TACC2: variants seen among roughly 807,000 people sequenced by gnomAD.
TACC2 encodes the protein transforming acidic coiled-coil-containing protein 2.
Under a neutral mutation model 227.3 loss-of-function variants are expected in TACC2, and 137 were observed. The observed-to-expected ratio is 0.60, with a 90% CI of 0.52 to 0.69. The LOEUF is 0.69. TACC2 is among the 30% of genes least tolerant of loss of function. The probability of loss-of-function intolerance (pLI) is 0.00; values close to 1 mark genes in which losing one functional copy is unlikely to be tolerated. For missense variants in TACC2, 3,470 were observed against 3,694.4 expected (o/e 0.94, Z 1.57); for synonymous variants, 1,523 against 1,487.5 (o/e 1.02, Z -0.55).
At chr10:122,208,568 G>A (rs954912438) in intron 8 of TACC2, among the ~76,000 whole-genome samples, 1 of 152,182 alleles carries the variant, frequency 6.6e-6, no homozygotes, top group African/African-American at 2.4e-5. Context: ...AGGGCTCCCT[G>A]ATTTAGCAAA....
chr10:122,214,601 C>A (rs528572395), intron 9 of TACC2, among the ~76,000 whole-genome samples: 1 of 152,282 alleles, frequency 6.6e-6, no homozygotes, highest in Non-Finnish European at 1.5e-5. Context: ...GAAGTGACCC[C>A]CAGACTGCTC....
chr10:122,129,495 T>C (rs1246069403), intron 5 of TACC2, among the ~76,000 whole-genome samples: 1 of 152,242 alleles, frequency 6.6e-6, no homozygotes, highest in Non-Finnish European at 1.5e-5. Context: ...TCAGCATATT[T>C]GCCCATGCCC....
intron 2 of TACC2, among the ~76,000 whole-genome samples, chr10:122,048,013 C>A (rs1486481913): frequency 6.6e-6 from 1 of 152,168 alleles, no homozygotes; most frequent in Non-Finnish European, 1.5e-5. Flanking sequence ...GGTAGGGGAA[C>A]CTTAGCCAAA....
chr10:122,137,112 AC>A (rs1298372161), intron 6 of TACC2, among the ~76,000 whole-genome samples: 1 of 152,052 alleles, frequency 6.6e-6, no homozygotes, highest in Non-Finnish European at 1.5e-5. Flanking sequence ...TGTTAATGCC[AC>A]TGGAGGGCAC....
In TACC2 at chr10:122,211,147, A is replaced by ATGC. The variant is rs2095283529; in HGVS notation, c.6722_6723insTGC (p.Glu2241delinsAspAla). On this transcript the variant is annotated protein_altering_variant, in exon 9 of 23. Transcript: ENST00000369005. ...ACGCTGCCTCTTACCACGGCCCCGG[A>ATGC]GGCAGGGGAGGTAACCCCATCGGAT... The ATGC allele has an allele frequency of 6.2e-7, 1 of 1,609,846 alleles. No individual in the cohort carries two copies. The highest frequency in any genetic ancestry group is 1.3e-5 in the African/African-American group (1 of 74,738).
At position 122,230,384 on chromosome 10, in the gene TACC2, G is replaced by T; in HGVS notation, c.8071G>T (p.Ala2691Ser). 1.9e-6 allele frequency: 3 copies of T among 1,614,192 alleles called. No individual in the cohort carries two copies. The highest frequency in any genetic ancestry group is 1.7e-5 in the Admixed American group (1 of 60,034). ...AGAGTTTGCCATCATGCGGATAGAA[G>T]CCCTGAAGCTGGCCAGGCAGATTGC... ...ELEFAIMRIE[A>S]LKLARQIALA... Residue 2691 changes from alanine (A) to serine (S), a missense_variant, in exon 16 of 23, where the codon GCC becomes TCC. Physicochemically the swap from Ala to Ser is moderately conservative, Grantham distance 99. Transcript: ENST00000369005.
At position 121,991,914 on chromosome 10, in the gene TACC2, A is replaced by G. The variant is rs562923739; in HGVS notation, c.-46+2426A>G. Among the ~76,000 whole-genome samples, 7 of 152,294 alleles carry G rather than the reference A, an allele frequency of 4.6e-5. No homozygotes were observed. The East Asian group carries it at 1.4e-3, about 29-fold the overall frequency. On this transcript the variant is annotated intron_variant, in intron 1 of 22. Transcript: ENST00000369005. The stretch of plus-strand genomic sequence containing the variant: ...CAAGGAGGAGCAAGTCACATCTTAC[A>G]TGGATGACAGCAGGCAAAGAAAGAG...
At chr10:122,038,957 G>C (rs1018263953) in intron 2 of TACC2, among the ~76,000 whole-genome samples, 1 of 152,168 alleles carries the variant, frequency 6.6e-6, no homozygotes, top group Non-Finnish European at 1.5e-5. Context: ...CAAGGTTCCT[G>C]ACTCATGTGT....
intron 1 of TACC2, among the ~76,000 whole-genome samples, chr10:122,004,909 T>A (rs1954872879): frequency 6.6e-6 from 1 of 152,180 alleles, no homozygotes; most frequent in African/African-American, 2.4e-5. Flanking sequence ...ATTTCCCCTT[T>A]TATCTAAGAG....
rs1361936110 is a variant in TACC2, at chr10:122,254,083, C to T, written c.*27C>T. On this transcript the variant is annotated 3_prime_UTR_variant, in exon 23 of 23. Transcript: ENST00000369005. ...TCTGAACCGAATGTTTTGGACTTAA[C>T]TGTTGCGTGCAATATGACCGTCGGC... The T allele has an allele frequency of 6.2e-7, 1 of 1,602,146 alleles. No individual in the cohort carries two copies. Among genetic ancestry groups the T allele is most frequent in the Non-Finnish European group, 8.6e-7 (1 of 1,168,982 alleles).
At chr10:122,244,141 G>A (rs2096062414) in intron 19 of TACC2, among the ~76,000 whole-genome samples, 1 of 152,090 alleles carries the variant, frequency 6.6e-6, no homozygotes, top group Admixed American at 6.5e-5. Context: ...TCTCATCCTG[G>A]TGCCAGGGGT....
chr10:122,247,469 G>C lies in TACC2; in HGVS notation c.8393-1174G>C, dbSNP rs549003553. 4 of 152,384 alleles carry C rather than the reference G, an allele frequency of 2.6e-5. No homozygotes were observed. The South Asian group carries it at 8.3e-4, about 32-fold the overall frequency. 9.4% of individuals were successfully genotyped at this position (152,384 alleles called of 1,614,324 possible). A position where few individuals can be genotyped will look rare whatever the true frequency, so the allele number is the denominator to read the frequency against. The stretch of plus-strand genomic sequence containing the variant: ...AGCAAATGGTTCCTCACCCACCTGG[G>C]CCGGGGATGGATCCGCACAGAGGAC... On this transcript the variant is annotated intron_variant, in intron 19 of 22. Coordinates refer to ENST00000369005, the MANE Select transcript of TACC2 (RefSeq NM_206862.4).
chr10:122,230,498 T>G (rs1329868528), intron 16 of TACC2, 58 bp downstream of exon 16: 1 of 1,505,902 alleles, frequency 6.6e-7, no homozygotes, highest in Non-Finnish European at 9.2e-7. Context: ...GCCGCTGGGG[T>G]CCAGAAGCTG....
chr10:122,080,225 G>GTTTTTTTTTTTTTTTTTTT (rs57690157), intron 3 of TACC2, among the ~76,000 whole-genome samples: 1 of 127,232 alleles, frequency 7.9e-6, no homozygotes, highest in African/African-American at 3.0e-5. Flanking sequence ...TTTTTTTTTT[G>GTTTTTTTTTTTTTTTTTTT]TTTTTTTTTT....
intron 2 of TACC2, among the ~76,000 whole-genome samples, chr10:122,024,901 G>A (rs745431175): frequency 4.6e-5 from 7 of 152,250 alleles, no homozygotes; most frequent in Middle Eastern, 3.4e-3. Context: ...TTGAGAACAC[G>A]CATTTTCATT....
intron 11 of TACC2, among the ~76,000 whole-genome samples, chr10:122,224,323 C>G (rs1177090757): frequency 1.3e-5 from 2 of 152,172 alleles, no homozygotes; most frequent in East Asian, 3.9e-4. Context: ...AGTTCCAAAA[C>G]ATCATGAGGA....
chr10:122,195,645 C>T (rs1422910659), intron 8 of TACC2, among the ~76,000 whole-genome samples: 1 of 152,194 alleles, frequency 6.6e-6, no homozygotes, highest in African/African-American at 2.4e-5. Flanking sequence ...CACCTGATTT[C>T]ATATCACTTT....
intron 12 of TACC2, among the ~76,000 whole-genome samples, chr10:122,225,627 C>T (rs148303819): frequency 1.6e-4 from 25 of 152,292 alleles, no homozygotes; most frequent in African/African-American, 4.3e-4. Context: ...GACATTTTAC[C>T]GCTGAAGGGG....
At chr10:122,128,359 C>G (rs529256116) in intron 5 of TACC2, among the ~76,000 whole-genome samples, 3 of 152,120 alleles carry the variant, frequency 2.0e-5, no homozygotes, top group Non-Finnish European at 2.9e-5. Flanking sequence ...TGTTCAAGAT[C>G]CTCTGTCTCA....
Sources: gnomAD v4.1 joint callset for allele counts (sites outside exome capture counted in the v4.1 genomes callset) on GRCh38, gnomAD v4.1.1 for gene constraint, MANE v1.5 for transcripts, NCBI Gene and HGNC (gene_info 2026-07-23, HGNC 2026-07-21) for gene names.